ELP3: variants seen among roughly 807,000 people sequenced by gnomAD.
ELP3 encodes elongator complex protein 3.
In ELP3, 56 loss-of-function variants were observed where a neutral mutation model predicts 74.9. The ratio of observed to expected loss-of-function variants is 0.75; its 90% CI spans 0.60 to 0.93. ELP3 has a LOEUF of 0.93. Among genes scored for constraint, ELP3 ranks in the 40% least tolerant of loss-of-function variants. ELP3 has a pLI of 0.00. For missense variants in ELP3, 573 were observed against 686.5 expected (o/e 0.83, Z 1.85); for synonymous variants, 222 against 239.8 (o/e 0.93, Z 0.68).
chr8:28,132,427 G>T (rs368068287), intron 9 of ELP3, 23 bp downstream of exon 9: 2 of 1,613,690 alleles, frequency 1.2e-6, no homozygotes, highest in Non-Finnish European at 1.7e-6. Flanking sequence ...TCAGCCAGGC[G>T]CATTCAGAAT....
intron 9 of ELP3, among the ~76,000 whole-genome samples, chr8:28,135,614 A>G (rs1273330272): frequency 1.3e-5 from 2 of 152,194 alleles, no homozygotes; most frequent in African/African-American, 4.8e-5. Context: ...TCCAGGGACT[A>G]AATGTTCTCA....
intron 2 of ELP3, among the ~76,000 whole-genome samples, chr8:28,098,601 G>A (rs553429173): frequency 2.0e-5 from 3 of 152,110 alleles, no homozygotes; most frequent in African/African-American, 4.8e-5. Flanking sequence ...AGCTGCCATC[G>A]TCCTTAAAAC....
intron 10 of ELP3, among the ~76,000 whole-genome samples, chr8:28,149,549 C>T (rs1439136167): frequency 6.6e-6 from 1 of 152,134 alleles, no homozygotes; most frequent in African/African-American, 2.4e-5. Context: ...TGATACTAAG[C>T]GTTTCCATCC....
chr8:28,142,791 TTTC>T lies in ELP3; in HGVS notation c.1100+4903_1100+4905del, dbSNP rs764170799. Among the ~76,000 whole-genome samples, 30 of 152,334 alleles carry T rather than the reference TTTC, an allele frequency of 2.0e-4. 1 individual carries two copies. Among genetic ancestry groups the T allele is most frequent in the Admixed American group, 5.9e-4 (9 of 15,292 alleles). On this transcript the variant is annotated intron_variant, in intron 10 of 14. Coordinates refer to ENST00000256398, the MANE Select transcript of ELP3 (RefSeq NM_018091.6). ...ATGTTCATAGTATTTTCCATTTTGTTTTCTTATTTTTTATGTAGTTTTGGTGCT... is the reference window on the plus strand; with the variant it reads ...ATGTTCATAGTATTTTCCATTTTGTTTTATTTTTTATGTAGTTTTGGTGCT...
In ELP3 at chr8:28,113,027, A is replaced by G. The variant is rs748516816; in HGVS notation, c.471A>G (p.Gln157=). 1 of 1,612,882 alleles carries G rather than the reference A, an allele frequency of 6.2e-7. No homozygotes were observed. Among genetic ancestry groups the G allele is most frequent in the Admixed American group, 1.7e-5 (1 of 59,778 alleles). ...ATGAATTTGTCTTTCAGTTAAAACAACTTGGTCATAGTGTGGATAAAGTGG... is the reference window on the plus strand; with the variant it reads ...ATGAATTTGTCTTTCAGTTAAAACAGCTTGGTCATAGTGTGGATAAAGTGG... The part of the protein sequence containing the change: ...QTRHRIEQLK[Q]LGHSVDKVEF... Residue 157 remains glutamine, a synonymous_variant, in exon 7 of 15, where the codon CAA becomes CAG. Transcript: ENST00000256398.
intron 8 of ELP3, among the ~76,000 whole-genome samples, chr8:28,131,814 C>G (rs373247866): frequency 2.6e-5 from 4 of 152,204 alleles, no homozygotes; most frequent in East Asian, 1.9e-4. Context: ...CACTCTTCCT[C>G]CCTGTCTACA....
chr8:28,158,145 GTAAAA>G (rs745444407), intron 11 of ELP3, among the ~76,000 whole-genome samples: 4 of 150,548 alleles, frequency 2.7e-5, no homozygotes, highest in Non-Finnish European at 2.9e-5. Flanking sequence ...GTTAACTGCC[GTAAAA>G]TGGAGGTTTT....
chr8:28,100,483 C>T (rs1811434006), intron 3 of ELP3, among the ~76,000 whole-genome samples: 1 of 152,124 alleles, frequency 6.6e-6, no homozygotes, highest in African/African-American at 2.4e-5. Context: ...GACACAGGGG[C>T]TAAGGCACAG....
At chr8:28,131,022 G>A (rs1205673338) in intron 8 of ELP3, among the ~76,000 whole-genome samples, 1 of 152,190 alleles carries the variant, frequency 6.6e-6, no homozygotes, top group Non-Finnish European at 1.5e-5. Flanking sequence ...TAGAAAGATC[G>A]CTTACAGTGT....
At chr8:28,170,773 T>A (rs1046111406) in intron 14 of ELP3, among the ~76,000 whole-genome samples, 4 of 152,224 alleles carry the variant, frequency 2.6e-5, no homozygotes, top group Non-Finnish European at 4.4e-5. Flanking sequence ...TTTTTAAGTG[T>A]ATAAATCAGT....
chr8:28,159,092 A>G (rs1813962720), intron 12 of ELP3, among the ~76,000 whole-genome samples: 1 of 152,224 alleles, frequency 6.6e-6, no homozygotes, highest in South Asian at 2.1e-4. Flanking sequence ...TGTTGGCCCA[A>G]TGGTGATAAG....
intron 10 of ELP3, among the ~76,000 whole-genome samples, chr8:28,140,934 A>G (rs1403684082): frequency 6.6e-6 from 1 of 152,248 alleles, no homozygotes; most frequent in Non-Finnish European, 1.5e-5. Flanking sequence ...CACACATAAA[A>G]CAAGGTTATG....
intron 9 of ELP3, among the ~76,000 whole-genome samples, chr8:28,137,206 T>C (rs181524089): frequency 2.0e-5 from 3 of 152,312 alleles, no homozygotes; most frequent in Admixed American, 2.0e-4. Context: ...AGGTATACTC[T>C]AGAGGTGAAG....
intron 14 of ELP3, among the ~76,000 whole-genome samples, chr8:28,177,166 G>A (rs1231571939): frequency 6.6e-6 from 1 of 152,102 alleles, no homozygotes; most frequent in African/African-American, 2.4e-5. Context: ...AATGTATACT[G>A]TGTTAGTTGC....
chr8:28,107,839 T>C, intron 4 of ELP3, 74 bp from the exon 5 acceptor site: 1 of 1,138,358 alleles, frequency 8.8e-7, no homozygotes, highest in East Asian at 2.4e-5. Flanking sequence ...TCTTTGGAGA[T>C]GGTAGATGCT....
At chr8:28,144,813 C>T (rs1813370879) in intron 10 of ELP3, among the ~76,000 whole-genome samples, 1 of 152,108 alleles carries the variant, frequency 6.6e-6, no homozygotes, top group Admixed American at 6.5e-5. Context: ...CCAAGGCGGG[C>T]AGATCACCTG....
At chr8:28,119,571 T>G (rs1396728969) in intron 7 of ELP3, among the ~76,000 whole-genome samples, 1 of 86,678 alleles carries the variant, frequency 1.2e-5, no homozygotes, top group African/African-American at 4.6e-5. Flanking sequence ...CTTGTGGCGT[T>G]TTATATATAT....
intron 11 of ELP3, among the ~76,000 whole-genome samples, chr8:28,157,227 A>G (rs1253701732): frequency 6.6e-6 from 1 of 150,702 alleles, no homozygotes; most frequent in Non-Finnish European, 1.5e-5. Flanking sequence ...TCTAGTTCCT[A>G]TAGGCAACAT....
At chr8:28,099,307 A>G (rs933550615) in intron 2 of ELP3, among the ~76,000 whole-genome samples, 2 of 152,078 alleles carry the variant, frequency 1.3e-5, no homozygotes, top group Non-Finnish European at 2.9e-5. Context: ...TTTGTCTAAG[A>G]CAGTAGTTGT....
Sources: allele counts gnomAD v4.1 joint callset (sites outside exome capture counted in the v4.1 genomes callset), GRCh38; gene constraint gnomAD v4.1.1; transcripts MANE v1.5; gene names NCBI Gene and HGNC (gene_info 2026-07-23, HGNC 2026-07-21).